Variants in ABCG2 observed in about 807,000 individuals in gnomAD.
ABCG2 encodes broad substrate specificity ATP-binding cassette transporter ABCG2.
In ABCG2, 80 loss-of-function variants were observed where a neutral mutation model predicts 73.5. The ratio of observed to expected loss-of-function variants is 1.09; its 90% CI spans 0.91 to 1.31. The LOEUF (loss-of-function observed/expected upper bound fraction) is 1.31. ABCG2 is among the 50% of genes most tolerant of loss of function. The pLI is 0.00. For synonymous variants in ABCG2, 269 were observed against 282.4 expected (o/e 0.95, Z 0.48); for missense variants, 796 against 786.2 (o/e 1.01, Z -0.15).
At chr4:88,204,418 TCAAACAAA>T (rs553150381) in intron 1 of ABCG2, among the ~76,000 whole-genome samples, 18 of 151,988 alleles carry the variant, frequency 1.2e-4, no homozygotes, top group South Asian at 4.1e-4. Flanking sequence ...AGACTCCATC[TCAAACAAA>T]CAAACAAACA....
At chr4:88,166,235 G>C (rs1184661852) in intron 1 of ABCG2, among the ~76,000 whole-genome samples, 1 of 152,194 alleles carries the variant, frequency 6.6e-6, no homozygotes, top group African/African-American at 2.4e-5. Flanking sequence ...CCAGTAAGGA[G>C]ACTTTACTGC....
chr4:88,134,394 A>T (rs899600995), intron 2 of ABCG2, among the ~76,000 whole-genome samples: 1 of 152,172 alleles, frequency 6.6e-6, no homozygotes, highest in Non-Finnish European at 1.5e-5. Flanking sequence ...ACGCTGCACA[A>T]AGACAATGGG....
At chr4:88,124,806 C>T (rs186506696) in intron 5 of ABCG2, among the ~76,000 whole-genome samples, 85 of 152,258 alleles carry the variant, frequency 5.6e-4, no homozygotes, top group African/African-American at 1.9e-3. Context: ...ACCAAGTGAA[C>T]CTAACAGACA....
At chr4:88,123,086 C>G (rs1404180140) in intron 5 of ABCG2, among the ~76,000 whole-genome samples, 1 of 152,124 alleles carries the variant, frequency 6.6e-6, no homozygotes, top group Non-Finnish European at 1.5e-5. Flanking sequence ...AGCAGAGAGG[C>G]CTGACTGTTA....
rs1721599117 is a variant in ABCG2, at chr4:88,090,884, A to G, written c.*1350T>C. On this transcript the variant is annotated 3_prime_UTR_variant, in exon 16 of 16. Coordinates refer to ENST00000237612, the MANE Select transcript of ABCG2 (RefSeq NM_004827.3). The stretch of plus-strand genomic sequence containing the variant: ...GCATCTTGCTATATAAAATGTTAAC[A>G]TTAAGGGAAGCTGAGCAAAGAGTAG... 1 of 152,246 alleles carries G rather than the reference A, an allele frequency of 6.6e-6. No homozygotes were observed. Among genetic ancestry groups the G allele is most frequent in the Non-Finnish European group, 1.5e-5 (1 of 68,038 alleles). The allele number at this position is 152,246 out of a possible 1,614,324, so 9.4% of individuals were successfully genotyped here.
At chr4:88,158,295 G>A in intron 1 of ABCG2, 91 bp downstream of exon 1, 1 of 327,810 alleles carries the variant, frequency 3.1e-6, no homozygotes, top group Non-Finnish European at 6.0e-6. Context: ...TCGTTTGAAC[G>A]GTTACCGATT....
chr4:88,107,086 T>C (rs561447396), intron 10 of ABCG2, 98 bp downstream of exon 10: 6 of 888,676 alleles, frequency 6.8e-6, no homozygotes, highest in East Asian at 2.6e-5. Flanking sequence ...GAATGACATT[T>C]ACACTATACT....
intron 3 of ABCG2, 120 bp downstream of exon 3, chr4:88,132,456 C>A (rs1159766892): frequency 1.9e-6 from 2 of 1,058,230 alleles, no homozygotes; most frequent in African/African-American, 1.6e-5. Flanking sequence ...GCACCTAGAA[C>A]CAGACCTGAC....
chr4:88,142,947 C>CA (rs1437377139), intron 1 of ABCG2, among the ~76,000 whole-genome samples: 2 of 151,884 alleles, frequency 1.3e-5, no homozygotes, highest in Non-Finnish European at 2.9e-5. Flanking sequence ...TACCCCATCT[C>CA]AAAAAAATTA....
chr4:88,129,301 T>C (rs928221109), intron 5 of ABCG2, among the ~76,000 whole-genome samples: 19 of 152,236 alleles, frequency 1.2e-4, no homozygotes, highest in African/African-American at 4.6e-4. Flanking sequence ...AATTATACTA[T>C]AGCCATATCA....
chr4:88,225,787 G>A (rs1358581327), intron 1 of ABCG2, among the ~76,000 whole-genome samples: 4 of 152,172 alleles, frequency 2.6e-5, no homozygotes, highest in Non-Finnish European at 1.5e-5. Flanking sequence ...TCAAGAAAAA[G>A]AGGTTTAATG....
rs1454402012 is a variant in ABCG2 at position 88,231,120 on chromosome 4, A to G, written c.-146T>C. On this transcript the variant is annotated 5_prime_UTR_variant, in exon 1 of 16. Coordinates refer to the ABCG2 transcript ENST00000515655. ...CAGACTTCAACCAGGACCCACGCCT[A>G]CTAAACAGACGAGTATCAGTCCAGG... 2.0e-5 allele frequency: 3 copies of G among 152,194 alleles called. No homozygotes were observed. The East Asian group carries it at 5.8e-4, about 29-fold the overall frequency. The allele number at this position is 152,194 out of a possible 1,614,324, so 9.4% of individuals were successfully genotyped here.
At chr4:88,119,150 T>C (rs1000379572) in intron 6 of ABCG2, among the ~76,000 whole-genome samples, 6 of 152,214 alleles carry the variant, frequency 3.9e-5, no homozygotes, top group South Asian at 2.1e-4. Context: ...CTGATGGTTT[T>C]ATAAATGGGA....
intron 2 of ABCG2, among the ~76,000 whole-genome samples, chr4:88,136,198 C>T (rs946418381): frequency 9.9e-5 from 15 of 152,078 alleles, no homozygotes; most frequent in African/African-American, 3.6e-4. Flanking sequence ...TGCACCTGCA[C>T]GTGGGAGGTA....
intron 1 of ABCG2, among the ~76,000 whole-genome samples, chr4:88,190,007 T>A (rs931256121): frequency 6.6e-6 from 1 of 152,200 alleles, no homozygotes; most frequent in Non-Finnish European, 1.5e-5. Context: ...ATGAGGTTAG[T>A]TTAAAGGAAT....
At chr4:88,153,352 A>C (rs921089372) in intron 1 of ABCG2, among the ~76,000 whole-genome samples, 10 of 152,100 alleles carry the variant, frequency 6.6e-5, no homozygotes, top group Non-Finnish European at 1.2e-4. Context: ...ACTGGGGCCT[A>C]ATAAAAAGGA....
intron 13 of ABCG2, 83 bp from the exon 14 acceptor site, chr4:88,095,692 C>A (rs1721938639): frequency 1.9e-6 from 2 of 1,080,676 alleles, no homozygotes; most frequent in Middle Eastern, 2.1e-4. Context: ...CAAGTCCCTA[C>A]CACTTTGTAA....
chr4:88,167,644 G>A (rs1382697382), intron 1 of ABCG2, among the ~76,000 whole-genome samples: 1 of 152,088 alleles, frequency 6.6e-6, no homozygotes, highest in African/African-American at 2.4e-5. Context: ...CAAAAGTGCT[G>A]GGATTATAGG....
chr4:88,227,429 A>G (rs748678494), intron 1 of ABCG2, among the ~76,000 whole-genome samples: 4 of 152,140 alleles, frequency 2.6e-5, no homozygotes, highest in Non-Finnish European at 5.9e-5. Context: ...AATAATATAC[A>G]TATACAAAAG....
Sources: gnomAD v4.1 joint callset for allele counts (sites outside exome capture counted in the v4.1 genomes callset) on GRCh38, gnomAD v4.1.1 for gene constraint, MANE v1.5 for transcripts, NCBI Gene and HGNC (gene_info 2026-07-23, HGNC 2026-07-21) for gene names.